The following RAPGEF6 variants were observed in gnomAD, a reference collection of about 807,000 sequenced individuals.
The protein encoded by RAPGEF6 is Rap guanine nucleotide exchange factor 6, also known as PDZ domain containing guanine nucleotide exchange factor (GEF) 2.
In RAPGEF6, 56 loss-of-function variants were observed where a neutral mutation model predicts 171.4. The ratio of observed to expected loss-of-function variants is 0.33; its 90% CI spans 0.26 to 0.41. RAPGEF6 has a LOEUF of 0.41. Among genes scored for constraint, RAPGEF6 ranks in the 10% least tolerant of loss-of-function variants. The probability of loss-of-function intolerance (pLI) is 1.00; values close to 1 mark genes in which losing one functional copy is unlikely to be tolerated. For synonymous variants in RAPGEF6, 692 were observed against 650.1 expected, an observed-to-expected ratio of 1.06 and a Z score of -0.98; for missense variants, 1,674 against 1,921.4, an observed-to-expected ratio of 0.87 and a Z score of 2.41.
At chr5:131,569,129 T>C (rs896498303) in intron 4 of RAPGEF6, among the ~76,000 whole-genome samples, 12 of 152,166 alleles carry the variant, frequency 7.9e-5, no homozygotes, top group African/African-American at 2.9e-4. Context: ...AAACACAATA[T>C]AGTTAAGACT....
rs1475952603 is a variant in RAPGEF6 at position 131,442,489 on chromosome 5, G to A, written c.3470C>T (p.Ser1157Phe). ...GCCAGCTGACCTCATAGGCACTGGA[G>A]ACATTTCAGATGATTTGGCTGATCT... ...EKRSAKSSEM[S>F]PVPMRSAGQT... Residue 1157 changes from serine (S) to phenylalanine (F), a missense_variant, in exon 23 of 28, where the codon TCT (serine) becomes TTT (phenylalanine). By Grantham distance (155) the Ser-to-Phe change is radical. Around this residue, in one of 3 missense-constraint regions of RAPGEF6, gnomAD observed 552 missense variants for 574.2 expected, o/e 0.96. Coordinates refer to ENST00000509018, the MANE Select transcript of RAPGEF6 (RefSeq NM_016340.6). 6.2e-7 allele frequency: 1 copy of A among 1,614,134 alleles called. No individual in the cohort carries two copies. Among genetic ancestry groups the A allele is most frequent in the East Asian group, 2.2e-5 (1 of 44,882 alleles).
intron 23 of RAPGEF6, among the ~76,000 whole-genome samples, chr5:131,442,144 G>A (rs962288317): frequency 5.9e-5 from 9 of 152,130 alleles, no homozygotes; most frequent in South Asian, 2.1e-4. Context: ...CAGTATTATA[G>A]GAAATTCAAT....
At chr5:131,460,177 A>T (rs1347077573) in intron 19 of RAPGEF6, among the ~76,000 whole-genome samples, 2 of 152,294 alleles carry the variant, frequency 1.3e-5, no homozygotes, top group South Asian at 4.1e-4. Context: ...AAAGCCTCTT[A>T]ACCAAATCTC....
At chr5:131,609,284 T>C (rs1764802307) in intron 1 of RAPGEF6, among the ~76,000 whole-genome samples, 1 of 152,150 alleles carries the variant, frequency 6.6e-6, no homozygotes, top group South Asian at 2.1e-4. Context: ...GACAAGACAG[T>C]GGCCCAAGGT....
At chr5:131,433,755 A>C in intron 24 of RAPGEF6, 97 bp from the exon 25 acceptor site, 1 of 925,700 alleles carries the variant, frequency 1.1e-6, no homozygotes, top group Admixed American at 2.7e-5. Context: ...CCACAAAAAT[A>C]ACAGAAGACA....
At chr5:131,571,508 A>G (rs1762282704) in intron 4 of RAPGEF6, among the ~76,000 whole-genome samples, 1 of 152,212 alleles carries the variant, frequency 6.6e-6, no homozygotes, top group African/African-American at 2.4e-5. Context: ...GCAAGATGTA[A>G]GATCAGCATA....
intron 24 of RAPGEF6, among the ~76,000 whole-genome samples, chr5:131,435,356 T>C (rs938732364): frequency 6.6e-5 from 10 of 152,200 alleles, no homozygotes; most frequent in African/African-American, 2.4e-4. Flanking sequence ...ACCAAGAAAG[T>C]GGATGTAATA....
chr5:131,456,294 T>C (rs1753493625), intron 19 of RAPGEF6, among the ~76,000 whole-genome samples: 1 of 152,132 alleles, frequency 6.6e-6, no homozygotes, highest in African/African-American at 2.4e-5. Context: ...AAAATATACA[T>C]TTAAATTAAA....
intron 26 of RAPGEF6, chr5:131,430,567 GAT>G: frequency 4.0e-6 from 2 of 495,556 alleles, no homozygotes; most frequent in Non-Finnish European, 7.6e-6. Flanking sequence ...ACACTAATGC[GAT>G]GATATTCCTC....
intron 1 of RAPGEF6, among the ~76,000 whole-genome samples, chr5:131,620,355 C>G (rs1179570664): frequency 6.6e-6 from 1 of 152,208 alleles, no homozygotes; most frequent in African/African-American, 2.4e-5. Context: ...ACTATATGTT[C>G]TACTGGACAC....
chr5:131,498,594 C>T lies in RAPGEF6; in HGVS notation c.1268G>A (p.Arg423His), dbSNP rs1561512981. The change falls in exon 12 of 28, where the codon CGT (arginine) becomes CAT (histidine). Residue 423 changes from arginine (R) to histidine (H), a missense_variant. This residue lies in a region of RAPGEF6 where 1,116 missense variants were observed against 1,321.5 expected (regional missense o/e 0.84). Coordinates refer to ENST00000509018, the MANE Select transcript of RAPGEF6 (RefSeq NM_016340.6). ...GHIVIKATPE[R>H]LIMHLIEEHS... ...TTCTTCTATTAAATGCATTATGAGA[C>T]GCTCAGGTGTTGCCTAAAAATCCAA... The T allele has an allele frequency of 4.3e-6, 7 of 1,612,890 alleles. No homozygotes were observed. The highest frequency in any genetic ancestry group is 3.3e-5 in the Admixed American group (2 of 59,856).
chr5:131,504,193 GT>G lies in RAPGEF6; in HGVS notation c.1254+432del, dbSNP rs1331791523. On this transcript the variant is annotated intron_variant, in intron 11 of 27. Coordinates refer to ENST00000509018, the MANE Select transcript of RAPGEF6 (RefSeq NM_016340.6). Reference sequence around the variant, plus strand: ...AAAACCATCTTAGAGATCAGGCATGGTGGCTCAAACCTGTAATCCCAGCACT... The same window carrying G: ...AAAACCATCTTAGAGATCAGGCATGGGGCTCAAACCTGTAATCCCAGCACT... Among the ~76,000 whole-genome samples the G allele has an allele frequency of 2.6e-5, 4 of 152,146 alleles. 1 individual carries two copies. Among genetic ancestry groups the G allele is most frequent in the Non-Finnish European group, 5.9e-5 (4 of 68,030 alleles).
chr5:131,591,253 AC>A (rs1364069857), intron 4 of RAPGEF6, among the ~76,000 whole-genome samples: 2 of 152,198 alleles, frequency 1.3e-5, no homozygotes, highest in Non-Finnish European at 2.9e-5. Context: ...GAAAAAAGTC[AC>A]AAAAAATTAC....
At chr5:131,489,337 T>A (rs1448926494) in intron 15 of RAPGEF6, among the ~76,000 whole-genome samples, 1 of 152,156 alleles carries the variant, frequency 6.6e-6, no homozygotes, top group African/African-American at 2.4e-5. Context: ...GTACACCTAT[T>A]TTAAAACTTA....
At chr5:131,581,781 T>C (rs1311285807) in intron 4 of RAPGEF6, among the ~76,000 whole-genome samples, 1 of 152,188 alleles carries the variant, frequency 6.6e-6, no homozygotes, top group Non-Finnish European at 1.5e-5. Flanking sequence ...GATAATGTAC[T>C]TGGTGATATT....
At chr5:131,505,824 A>G (rs1757338239) in intron 9 of RAPGEF6, among the ~76,000 whole-genome samples, 1 of 152,248 alleles carries the variant, frequency 6.6e-6, no homozygotes. Flanking sequence ...CCATGCCACC[A>G]ACTAGCTGAA....
chr5:131,492,552 T>C (rs1393446099), intron 14 of RAPGEF6, 30 bp downstream of exon 14: 4 of 1,603,018 alleles, frequency 2.5e-6, no homozygotes, highest in East Asian at 4.5e-5. Context: ...TTAAGAAGGC[T>C]TGAATATAAG....
intron 4 of RAPGEF6, among the ~76,000 whole-genome samples, chr5:131,586,697 T>C (rs1763278092): frequency 6.6e-6 from 1 of 151,928 alleles, no homozygotes; most frequent in Non-Finnish European, 1.5e-5. Context: ...ATCAAAACTA[T>C]AAAATTGAAA....
intron 1 of RAPGEF6, among the ~76,000 whole-genome samples, chr5:131,611,597 G>A (rs1229455756): frequency 6.6e-6 from 1 of 152,160 alleles, no homozygotes; most frequent in Non-Finnish European, 1.5e-5. Context: ...ACTTGAACCT[G>A]GGAGGTAGAG....
Sources: allele counts gnomAD v4.1 joint callset (sites outside exome capture counted in the v4.1 genomes callset), GRCh38; gene constraint gnomAD v4.1.1; regional missense constraint gnomAD v4.1.1; transcripts MANE v1.5; gene names NCBI Gene and HGNC (gene_info 2026-07-23, HGNC 2026-07-21).